Variants in CTNNA3 observed in about 807,000 individuals in gnomAD.
The protein encoded by CTNNA3 is catenin alpha-3.
Under a neutral mutation model 95.7 loss-of-function variants are expected in CTNNA3, and 76 were observed. The observed-to-expected ratio is 0.79, with a 90% CI of 0.66 to 0.96. CTNNA3 has a LOEUF of 0.96. CTNNA3 is among the 40% of genes least tolerant of loss of function. The probability of loss-of-function intolerance (pLI) is 0.00; values close to 1 mark genes in which losing one functional copy is unlikely to be tolerated. For synonymous variants in CTNNA3, 431 were observed against 374.4 expected, an observed-to-expected ratio of 1.15 and a Z score of -1.74; for missense variants, 1,191 against 1,089.8, an observed-to-expected ratio of 1.09 and a Z score of -1.31.
intron 5 of CTNNA3, among the ~76,000 whole-genome samples, chr10:67,392,471 C>G (rs868370039): frequency 0.025 from 3,781 of 152,222 alleles, 164 homozygotes; most frequent in African/African-American, 0.085. Flanking sequence ...CTGTAAACTA[C>G]TTCAACCATT....
In CTNNA3 at chr10:67,388,535, G is replaced by A. The variant is rs1349338562; in HGVS notation, c.579+133307C>T. Among the ~76,000 whole-genome samples, 41 of 137,228 alleles carry A rather than the reference G, an allele frequency of 3.0e-4. No individual in the cohort carries two copies. In the East Asian group the frequency reaches 7.4e-3, roughly 25 times the overall value. The allele number at this position is 137,228 out of a possible 152,430, so 90.0% of individuals were successfully genotyped here. ...CCCCAATCTAGCAAGGCAGGCCAACGTTCAGATTCAGGAAATACAGAGAAC... is the reference window on the plus strand; with the variant it reads ...CCCCAATCTAGCAAGGCAGGCCAACATTCAGATTCAGGAAATACAGAGAAC... On this transcript the variant is annotated intron_variant, in intron 5 of 17. Coordinates refer to ENST00000433211, the MANE Select transcript of CTNNA3 (RefSeq NM_013266.4).
chr10:66,741,251 A>C (rs1849317240), intron 9 of CTNNA3, among the ~76,000 whole-genome samples: 1 of 152,196 alleles, frequency 6.6e-6, no homozygotes, highest in Admixed American at 6.5e-5. Context: ...ATAGTGGATC[A>C]ATGGCTAGGT....
intron 5 of CTNNA3, among the ~76,000 whole-genome samples, chr10:67,383,234 A>T (rs1009076766): frequency 2.6e-5 from 4 of 152,230 alleles, no homozygotes; most frequent in African/African-American, 9.6e-5. Flanking sequence ...ATTTCTAAAC[A>T]GGAAGTATAA....
intron 17 of CTNNA3, among the ~76,000 whole-genome samples, chr10:65,922,371 A>G (rs932239644): frequency 6.6e-6 from 1 of 152,200 alleles, no homozygotes; most frequent in African/African-American, 2.4e-5. Flanking sequence ...TTGAAAATTT[A>G]TATACTAATT....
At chr10:65,939,667 T>C (rs1489010693) in intron 17 of CTNNA3, among the ~76,000 whole-genome samples, 1 of 152,212 alleles carries the variant, frequency 6.6e-6, no homozygotes, top group Admixed American at 6.5e-5. Flanking sequence ...CTCTCTTTGG[T>C]AACTCTTCTA....
intron 5 of CTNNA3, among the ~76,000 whole-genome samples, chr10:67,239,922 C>T (rs1358839922): frequency 2.0e-5 from 3 of 152,130 alleles, no homozygotes; most frequent in Admixed American, 1.3e-4. Context: ...TGTAGCCTGA[C>T]CATCAGAAAA....
intron 7 of CTNNA3, among the ~76,000 whole-genome samples, chr10:67,164,970 T>A (rs1313056452): frequency 1.3e-5 from 2 of 152,204 alleles, no homozygotes; most frequent in Admixed American, 1.3e-4. Context: ...CTAAAAACTA[T>A]GCATCACATA....
chr10:66,069,225 A>C (rs2080376885), intron 15 of CTNNA3, 83 bp downstream of exon 15: 6 of 1,371,996 alleles, frequency 4.4e-6, no homozygotes. Context: ...GGCACTTGAC[A>C]CTCAGAGAAT....
upstream of CTNNA3, among the ~76,000 whole-genome samples, chr10:67,696,982 TC>T (rs1246633590): frequency 6.6e-6 from 1 of 152,210 alleles, no homozygotes; most frequent in Non-Finnish European, 1.5e-5. Context: ...GTTTTGGCAG[TC>T]CTGTTCTTAA....
intron 7 of CTNNA3, among the ~76,000 whole-genome samples, chr10:66,979,815 G>T (rs781463854): frequency 3.9e-5 from 6 of 152,110 alleles, no homozygotes; most frequent in Non-Finnish European, 4.4e-5. Flanking sequence ...TGGAGAAAAG[G>T]TCCTTTGAAA....
intron 9 of CTNNA3, among the ~76,000 whole-genome samples, chr10:66,624,225 A>G (rs1249199536): frequency 6.6e-6 from 1 of 152,066 alleles, no homozygotes; most frequent in Non-Finnish European, 1.5e-5. Flanking sequence ...TATGAGCAAG[A>G]TATTAAATTA....
chr10:66,753,434 G>C (rs1456812160), intron 9 of CTNNA3, among the ~76,000 whole-genome samples: 1 of 152,014 alleles, frequency 6.6e-6, no homozygotes, highest in East Asian at 1.9e-4. Flanking sequence ...AGGCTGAAGT[G>C]GGCAGGTCAC....
At chr10:66,756,158 C>T (rs1564661642) in intron 9 of CTNNA3, among the ~76,000 whole-genome samples, 1 of 151,988 alleles carries the variant, frequency 6.6e-6, no homozygotes, top group East Asian at 1.9e-4. Context: ...AATGATCTGA[C>T]TAGACCAATA....
chr10:66,630,514 A>C (rs1031563363), intron 9 of CTNNA3, among the ~76,000 whole-genome samples: 6 of 152,168 alleles, frequency 3.9e-5, no homozygotes, highest in Admixed American at 3.9e-4. Context: ...AATCAAGTAA[A>C]GTAACTCTTA....
intron 9 of CTNNA3, among the ~76,000 whole-genome samples, chr10:66,622,080 C>A (rs947542203): frequency 6.6e-6 from 1 of 152,056 alleles, no homozygotes; most frequent in Non-Finnish European, 1.5e-5. Context: ...TATTGTGAGA[C>A]TGGAAAAACA....
At chr10:66,414,190 G>A (rs1230430791) in intron 11 of CTNNA3, among the ~76,000 whole-genome samples, 4 of 152,094 alleles carry the variant, frequency 2.6e-5, no homozygotes, top group Non-Finnish European at 2.9e-5. Flanking sequence ...GTTCAAAAAT[G>A]GGTTTTGAAA....
chr10:66,381,469 G>A (rs187195291), intron 11 of CTNNA3, among the ~76,000 whole-genome samples: 6 of 152,152 alleles, frequency 3.9e-5, no homozygotes, highest in African/African-American at 1.4e-4. Context: ...ATATATCTGA[G>A]GGAAAGAATT....
intron 15 of CTNNA3, among the ~76,000 whole-genome samples, chr10:66,067,902 C>T (rs373674938): frequency 2.3e-4 from 35 of 151,902 alleles, no homozygotes; most frequent in Admixed American, 1.5e-3. Context: ...GATGACAGAG[C>T]GAGACTCCAT....
chr10:66,445,616 T>C (rs1004609763), intron 11 of CTNNA3, among the ~76,000 whole-genome samples: 1 of 152,100 alleles, frequency 6.6e-6, no homozygotes, highest in Non-Finnish European at 1.5e-5. Context: ...AGATGTTCTT[T>C]GAAACCAACG....
Sources: allele counts gnomAD v4.1 joint callset (sites outside exome capture counted in the v4.1 genomes callset), GRCh38; gene constraint gnomAD v4.1.1; transcripts MANE v1.5; gene names NCBI Gene and HGNC (gene_info 2026-07-23, HGNC 2026-07-21).